ACSL4: variants seen among roughly 807,000 people sequenced by gnomAD.
The protein encoded by ACSL4 is long-chain-fatty-acid--CoA ligase 4.
A neutral mutation model predicts 49.1 loss-of-function variants in ACSL4; 9 were observed. The observed-to-expected ratio is 0.18, with a 90% confidence interval of 0.11 to 0.32. The LOEUF is 0.32. Ranked by LOEUF, ACSL4 falls within the 10% of genes least tolerant of loss-of-function variation. The probability of loss-of-function intolerance (pLI) is 1.00; values close to 1 mark genes in which losing one functional copy is unlikely to be tolerated. For missense variants in ACSL4, 333 were observed against 493.7 expected (o/e 0.67, Z 3.08); for synonymous variants, 191 against 170.3 (o/e 1.12, Z -0.95).
At chrX:109,728,117 G>A (rs762870536) in intron 1 of ACSL4, among the ~76,000 whole-genome samples, 18 of 112,027 alleles carry the variant, frequency 1.6e-4, no homozygotes, top group Non-Finnish European at 3.0e-4. Context: ...TCTCATATGA[G>A]CACATACATT....
chrX:109,707,798 T>C (rs769180114), intron 1 of ACSL4, among the ~76,000 whole-genome samples: 5 of 112,234 alleles, frequency 4.5e-5, no homozygotes, highest in African/African-American at 1.6e-4. Flanking sequence ...AAATGCAGCA[T>C]TGCCAGAGTA....
intron 15 of ACSL4, 121 bp from the exon 16 acceptor site, chrX:109,644,307 T>C: frequency 1.6e-6 from 1 of 640,638 alleles, no homozygotes; most frequent in Non-Finnish European, 2.3e-6. Flanking sequence ...TTTCAGGATT[T>C]ACCTAGATGA....
intron 1 of ACSL4, among the ~76,000 whole-genome samples, chrX:109,710,793 C>T (rs1926698116): frequency 8.9e-6 from 1 of 112,154 alleles, no homozygotes; most frequent in Non-Finnish European, 1.9e-5. Context: ...TCACTGCTGC[C>T]TTGAACTTCT....
intron 9 of ACSL4, among the ~76,000 whole-genome samples, chrX:109,670,064 C>T (rs1478263177): frequency 2.7e-5 from 3 of 111,875 alleles, no homozygotes; most frequent in African/African-American, 9.8e-5. Flanking sequence ...AAAAAATAAA[C>T]AGCAAACAGC....
At chrX:109,702,170 G>A (rs906314847) in intron 1 of ACSL4, among the ~76,000 whole-genome samples, 1 of 110,494 alleles carries the variant, frequency 9.1e-6, no homozygotes, top group Non-Finnish European at 1.9e-5. Flanking sequence ...AGCCAAGATT[G>A]CATCATTGCA....
intron 14 of ACSL4, 124 bp from the exon 15 acceptor site, chrX:109,659,635 T>A: frequency 2.0e-6 from 1 of 490,263 alleles, no homozygotes; most frequent in Non-Finnish European, 3.4e-6. Flanking sequence ...TAAAGTTTCA[T>A]TAGGAAATGA....
chrX:109,708,555 A>G (rs932296818), intron 1 of ACSL4, among the ~76,000 whole-genome samples: 6 of 112,156 alleles, frequency 5.3e-5, no homozygotes, highest in Admixed American at 1.9e-4. Flanking sequence ...TGCTCATGTA[A>G]TATAACCTAT....
intron 2 of ACSL4, among the ~76,000 whole-genome samples, chrX:109,686,274 G>T (rs1384277144): frequency 8.9e-6 from 1 of 111,955 alleles, no homozygotes; most frequent in Non-Finnish European, 1.9e-5. Context: ...ACACGGACCA[G>T]TAGTTCTCAA....
At chrX:109,726,377 T>G (rs1927993903) in intron 1 of ACSL4, among the ~76,000 whole-genome samples, 1 of 111,955 alleles carries the variant, frequency 8.9e-6, no homozygotes, top group Non-Finnish European at 1.9e-5. Flanking sequence ...GAGCCGAGAT[T>G]GCACCATTGC....
At chrX:109,724,933 T>G (rs1249649023) in intron 1 of ACSL4, among the ~76,000 whole-genome samples, 1 of 108,271 alleles carries the variant, frequency 9.2e-6, no homozygotes, top group Non-Finnish European at 1.9e-5. Flanking sequence ...TAATAAAAAT[T>G]TTCTGTAGAG....
At chrX:109,685,081 T>A (rs972095498) in intron 2 of ACSL4, among the ~76,000 whole-genome samples, 5 of 106,933 alleles carry the variant, frequency 4.7e-5, no homozygotes, top group African/African-American at 1.7e-4. Flanking sequence ...TAATATTTCT[T>A]TTCTTTCTTT....
At chrX:109,656,027 G>A (rs1415104017) in intron 15 of ACSL4, among the ~76,000 whole-genome samples, 1 of 110,823 alleles carries the variant, frequency 9.0e-6, no homozygotes, top group African/African-American at 3.3e-5. Flanking sequence ...CCAAACCGGC[G>A]AGTAAACCAG....
intron 1 of ACSL4, among the ~76,000 whole-genome samples, chrX:109,714,882 T>C (rs1204984580): frequency 1.8e-5 from 2 of 112,077 alleles, no homozygotes; most frequent in Non-Finnish European, 3.8e-5. Context: ...CCTATGACTA[T>C]GTAACTACAT....
At chrX:109,647,525 T>G (rs1194339707) in intron 15 of ACSL4, among the ~76,000 whole-genome samples, 2 of 111,648 alleles carry the variant, frequency 1.8e-5, no homozygotes, top group Non-Finnish European at 3.8e-5. Context: ...TTCAAAGCAG[T>G]GTGTAGATGG....
At chrX:109,657,489 T>C (rs954501973) in intron 15 of ACSL4, among the ~76,000 whole-genome samples, 1 of 109,760 alleles carries the variant, frequency 9.1e-6, no homozygotes, top group African/African-American at 3.3e-5. Flanking sequence ...GTCCTTGCGA[T>C]AGTTTGCTGA....
chrX:109,656,533 C>G (rs1313040135), intron 15 of ACSL4, among the ~76,000 whole-genome samples: 1 of 109,903 alleles, frequency 9.1e-6, no homozygotes, highest in East Asian at 2.9e-4. Flanking sequence ...TCCATAACAT[C>G]GCAAATGAAA....
chrX:109,700,350 T>TG (rs1925808902), intron 1 of ACSL4, among the ~76,000 whole-genome samples: 2 of 107,491 alleles, frequency 1.9e-5, no homozygotes, highest in African/African-American at 6.8e-5. Flanking sequence ...GCCAACATGG[T>TG]GAAAAACCAC....
chrX:109,642,554 A>G lies in ACSL4; in HGVS notation c.*1475T>C, dbSNP rs1328153157. ...ATGTATTTTGTTGCAATGGTGGCCC[A>G]CATCTGTACAAAACAACATAAGCAA... On this transcript the variant is annotated 3_prime_UTR_variant, in exon 16 of 16. Coordinates refer to ENST00000672401, the MANE Select transcript of ACSL4 (RefSeq NM_001318510.2). The G allele has an allele frequency of 9.0e-6, 1 of 111,156 alleles. No homozygotes were observed. The highest frequency in any genetic ancestry group is 1.9e-5 in the Non-Finnish European group (1 of 52,912). The allele number at this position is 111,156 out of a possible 1,213,427, so 9.2% of individuals were successfully genotyped here.
At chrX:109,708,845 C>A (rs749966785) in intron 1 of ACSL4, among the ~76,000 whole-genome samples, 3 of 111,782 alleles carry the variant, frequency 2.7e-5, no homozygotes, top group African/African-American at 9.7e-5. Context: ...TGCAAATATT[C>A]CAAAACCTGA....
Sources: allele counts gnomAD v4.1 joint callset (sites outside exome capture counted in the v4.1 genomes callset), GRCh38; gene constraint gnomAD v4.1.1; transcripts MANE v1.5; gene names NCBI Gene and HGNC (gene_info 2026-07-23, HGNC 2026-07-21).